Variants in SERPINA3 observed in about 807,000 individuals in gnomAD.
SERPINA3 encodes the protein alpha-1-antichymotrypsin.
In SERPINA3, 32 loss-of-function variants were observed where a neutral mutation model predicts 26.8. That is an observed-to-expected ratio of 1.20 (90% CI 0.90 to 1.61). SERPINA3 has a LOEUF of 1.61. SERPINA3 is among the 40% of genes most tolerant of loss of function. The probability of loss-of-function intolerance (pLI) is 0.00; values close to 1 mark genes in which losing one functional copy is unlikely to be tolerated. For missense variants in SERPINA3, 632 were observed against 517.9 expected (o/e 1.22, Z -2.14); for synonymous variants, 252 against 206.4 (o/e 1.22, Z -1.89).
intron 1 of SERPINA3, 136 bp from the exon 2 acceptor site, chr14:94,614,298 C>T (rs61976122): frequency 0.031 from 25,070 of 799,576 alleles, 576 homozygotes; most frequent in African/African-American, 0.097. Context: ...CCCCAGAGAG[C>T]ACCTACCTGA....
At chr14:94,617,184 T>C (rs1886035454) in intron 2 of SERPINA3, among the ~76,000 whole-genome samples, 1 of 152,104 alleles carries the variant, frequency 6.6e-6, no homozygotes, top group South Asian at 2.1e-4. Context: ...GCTGCTGCAA[T>C]TGGTAACGGG....
intron 2 of SERPINA3, among the ~76,000 whole-genome samples, chr14:94,615,767 G>A (rs1045732802): frequency 1.3e-5 from 2 of 152,192 alleles, no homozygotes; most frequent in African/African-American, 2.4e-5. Context: ...GATTCTAACT[G>A]GTCCAGTGCC....
intron 2 of SERPINA3, among the ~76,000 whole-genome samples, chr14:94,616,286 G>A (rs1422208578): frequency 1.3e-5 from 2 of 152,170 alleles, no homozygotes; most frequent in African/African-American, 4.8e-5. Flanking sequence ...TCCCCTGGAA[G>A]CTCCCACCCC....
Position 94,615,040 on chromosome 14 carries a change from A to G in SERPINA3, c.599A>G (p.Asp200Gly). 6.2e-7 allele frequency: 1 copy of G among 1,614,076 alleles called. No individual in the cohort carries two copies. Among genetic ancestry groups the G allele is most frequent in the African/African-American group, 1.3e-5 (1 of 75,004 alleles). Residue 200 changes from aspartate (D) to glycine (G), a missense_variant, in exon 2 of 5, where the codon GAC (aspartate) becomes GGC (glycine). Coordinates refer to ENST00000393078, the MANE Select transcript of SERPINA3 (RefSeq NM_001085.5). ...GKITDLIKDLDSQTMMVLVNY... is the reference protein window; with the variant it reads ...GKITDLIKDLGSQTMMVLVNY... Reference sequence around the variant, plus strand: ...ATCACAGATCTGATCAAGGACCTTGACTCGCAGACAATGATGGTCCTGGTG... The same window carrying G: ...ATCACAGATCTGATCAAGGACCTTGGCTCGCAGACAATGATGGTCCTGGTG...
At chr14:94,618,145 T>C (rs188568010) in intron 2 of SERPINA3, 1 of 152,290 alleles carries the variant, frequency 6.6e-6, no homozygotes, top group African/African-American at 2.4e-5. Context: ...ACTCCATTCT[T>C]CCCTTGCTTG....
intron 1 of SERPINA3, among the ~76,000 whole-genome samples, chr14:94,612,812 T>C (rs905455458): frequency 1.3e-5 from 2 of 152,088 alleles, no homozygotes; most frequent in Non-Finnish European, 2.9e-5. Context: ...GTGGCAGATG[T>C]GATTATTGCA....
In SERPINA3 at chr14:94,623,635, G is replaced by A. The variant is rs749931114; in HGVS notation, c.1093G>A (p.Val365Ile). 3 of 1,614,080 alleles carry A rather than the reference G, an allele frequency of 1.9e-6. No individual in the cohort carries two copies. The highest frequency in any genetic ancestry group is 1.7e-5 in the Admixed American group (1 of 60,010). ...GGTGGTCCATAAGGCTGTGCTTGAT[G>A]TATTTGAGGAGGGCACAGAAGCATC... Reference protein sequence around the residue: ...SQVVHKAVLDVFEEGTEASAA... With the variant: ...SQVVHKAVLDIFEEGTEASAA... The change falls in exon 5 of 5, where the codon GTA becomes ATA. Residue 365 changes from valine (V) to isoleucine (I), a missense_variant. Val to Ile is a conservative substitution (Grantham distance 29). Transcript: ENST00000393078.
At chr14:94,618,785 C>T (rs532991291) in intron 2 of SERPINA3, 3 of 327,560 alleles carry the variant, frequency 9.2e-6, no homozygotes, top group South Asian at 8.3e-5. Flanking sequence ...GTTATATGTT[C>T]ACATCCCTGT....
chr14:94,622,781 T>G, intron 4 of SERPINA3: 1 of 460,476 alleles, frequency 2.2e-6, no homozygotes. Flanking sequence ...GGCAAACAAT[T>G]AAAGTCCTCC....
chr14:94,619,665 A>G, intron 3 of SERPINA3, 197 bp downstream of exon 3: 1 of 655,622 alleles, frequency 1.5e-6, no homozygotes, highest in South Asian at 1.8e-5. Flanking sequence ...CAGACAGGAC[A>G]AGGGGCTGAG....
rs145819878 is a variant in SERPINA3, at chr14:94,614,821, A to G, written c.380A>G (p.Asn127Ser). ...QSFQHLLRTL[N>S]QSSDELQLSM... The stretch of plus-strand genomic sequence containing the variant: ...TTCCAGCACCTCCTGCGCACCCTCA[A>G]TCAGTCCAGCGATGAGCTGCAGCTG... The change falls in exon 2 of 5, where the codon AAT (asparagine) becomes AGT (serine). Residue 127 changes from asparagine (N) to serine (S), a missense_variant. Coordinates refer to ENST00000393078, the MANE Select transcript of SERPINA3 (RefSeq NM_001085.5). 1.2e-5 allele frequency: 20 copies of G among 1,614,022 alleles called. No homozygotes were observed. The African/African-American group carries it at 1.5e-4, about 12-fold the overall frequency.
chr14:94,624,014 G>A lies in SERPINA3; in HGVS notation c.*200G>A. ...GGCCCATGGACTCTTCAGTCTGGAG[G>A]GTCCTGGGCCTCCTGACAGCAATAA... On this transcript the variant is annotated 3_prime_UTR_variant, in exon 5 of 5. Transcript: ENST00000393078. The A allele has an allele frequency of 1.6e-6, 1 of 624,046 alleles. No homozygotes were observed. Among genetic ancestry groups the A allele is most frequent in the Non-Finnish European group, 2.8e-6 (1 of 351,362 alleles). 38.7% of individuals were successfully genotyped at this position (624,046 alleles called of 1,614,324 possible).
Position 94,614,894 on chromosome 14 carries a change from C to T in SERPINA3, c.453C>T (p.Asp151=), listed in dbSNP as rs1595094599. The T allele has an allele frequency of 1.2e-6, 2 of 1,614,204 alleles. No individual in the cohort carries two copies. The change falls in exon 2 of 5, where the codon GAC becomes GAT. Residue 151 remains aspartate, a synonymous_variant. Coordinates refer to ENST00000393078, the MANE Select transcript of SERPINA3 (RefSeq NM_001085.5). ...TCAAAGAGCAACTCAGTCTGCTGGA[C>T]AGGTTCACGGAGGATGCCAAGAGGC... ...MFVKEQLSLL[D]RFTEDAKRLY...
At position 94,623,648 on chromosome 14, in the gene SERPINA3, G is replaced by A. The variant is rs779305276; in HGVS notation, c.1106G>A (p.Gly369Asp). Residue 369 changes from glycine to aspartate, a missense_variant, in exon 5 of 5, where the codon GGC (glycine) becomes GAC (aspartate). Gly to Asp is a moderately conservative substitution (Grantham distance 94). Coordinates refer to ENST00000393078, the MANE Select transcript of SERPINA3 (RefSeq NM_001085.5). The part of the protein sequence containing the change: ...HKAVLDVFEE[G>D]TEASAATAVK... ...GCTGTGCTTGATGTATTTGAGGAGG[G>A]CACAGAAGCATCTGCTGCCACAGCA... 2 of 1,613,998 alleles carry A rather than the reference G, an allele frequency of 1.2e-6. No homozygotes were observed. Among genetic ancestry groups the A allele is most frequent in the Non-Finnish European group, 1.7e-6 (2 of 1,180,018 alleles).
At chr14:94,619,807 G>A (rs1260377223) in intron 3 of SERPINA3, 1 of 401,968 alleles carries the variant, frequency 2.5e-6, no homozygotes, top group Admixed American at 3.7e-5. Flanking sequence ...ATCAGTTGAG[G>A]GCTGCAGTGA....
intron 2 of SERPINA3, 71 bp from the exon 3 acceptor site, chr14:94,619,124 G>A: frequency 1.3e-6 from 2 of 1,578,582 alleles, no homozygotes; most frequent in Non-Finnish European, 8.7e-7. Flanking sequence ...CACTTCCACT[G>A]CTGCGGAAGC....
chr14:94,622,987 G>A (rs1463269134), intron 4 of SERPINA3, among the ~76,000 whole-genome samples: 1 of 152,238 alleles, frequency 6.6e-6, no homozygotes, highest in African/African-American at 2.4e-5. Context: ...AGGCAGGGTG[G>A]CCATGCAGCC....
At chr14:94,612,594 C>A in intron 1 of SERPINA3, 147 bp downstream of exon 1, 1 of 427,798 alleles carries the variant, frequency 2.3e-6, no homozygotes. Flanking sequence ...GGGGTCTGTT[C>A]TTGGCTGCCA....
At chr14:94,622,628 A>C (rs1047960542) in intron 4 of SERPINA3, 137 bp downstream of exon 4, 1 of 963,364 alleles carries the variant, frequency 1.0e-6, no homozygotes. Context: ...TGCTTGGGAC[A>C]CCCCCAAGCC....
Sources: gnomAD v4.1 joint callset for allele counts (sites outside exome capture counted in the v4.1 genomes callset) on GRCh38, gnomAD v4.1.1 for gene constraint, MANE v1.5 for transcripts, NCBI Gene and HGNC (gene_info 2026-07-23, HGNC 2026-07-21) for gene names.